Variants in TMEM59L observed in about 807,000 individuals in gnomAD.
TMEM59L encodes transmembrane protein 59 like.
TMEM59L carries 31 observed loss-of-function variants against 39.6 expected under a neutral mutation model. The observed-to-expected ratio is 0.78, with a 90% CI of 0.59 to 1.06. The LOEUF is 1.06. TMEM59L is among the 50% of genes least tolerant of loss of function. TMEM59L has a pLI of 0.00. For synonymous variants in TMEM59L, 219 were observed against 202.9 expected (o/e 1.08, Z -0.68); for missense variants, 441 against 451.3 (o/e 0.98, Z 0.21).
intron 7 of TMEM59L, among the ~76,000 whole-genome samples, chr19:18,619,175 A>G (rs1976466923): frequency 6.6e-6 from 1 of 151,940 alleles, no homozygotes; most frequent in Non-Finnish European, 1.5e-5. Flanking sequence ...TATTTTTTGT[A>G]GAGATGGGGA....
chr19:18,618,688 TAA>T (rs1197042950), intron 7 of TMEM59L, among the ~76,000 whole-genome samples, 196 bp downstream of exon 7: 1 of 131,602 alleles, frequency 7.6e-6, no homozygotes, highest in Non-Finnish European at 1.6e-5. Flanking sequence ...TATATATATA[TAA>T]TATATATATA....
In TMEM59L at chr19:18,617,033, G is replaced by C; in HGVS notation, c.595G>C (p.Gly199Arg). ...CATAGTGGAGAGCCTCGGCTTCCAG[G>C]GGGGCCGTCTGCAGCGCGTGGAGGT... ...QPIVESLGFQGGRLQRVEVTW... is the reference protein window; with the variant it reads ...QPIVESLGFQRGRLQRVEVTW... The change falls in exon 5 of 8, where the codon GGG (glycine) becomes CGG (arginine). Residue 199 changes from glycine (G) to arginine (R), a missense_variant. Physicochemically the swap from Gly to Arg is moderately radical, Grantham distance 125 (BLOSUM62 -2). Transcript: ENST00000262817. 1 of 1,612,924 alleles carries C rather than the reference G, an allele frequency of 6.2e-7. No individual in the cohort carries two copies.
At position 18,620,388 on chromosome 19, in the gene TMEM59L, C is replaced by T. The variant is rs1392409753; in HGVS notation, c.901-20C>T. 6.3e-7 allele frequency: 1 copy of T among 1,597,920 alleles called. No individual in the cohort carries two copies. Among genetic ancestry groups the T allele is most frequent in the Non-Finnish European group, 8.5e-7 (1 of 1,169,698 alleles). On this transcript the variant is annotated intron_variant, in intron 7 of 7. Transcript: ENST00000262817. The stretch of plus-strand genomic sequence containing the variant: ...CCTCTCCCCGTCCCTCCACTTCCCT[C>T]CTCCCCTCTCTTCCTGCAGCCTCTG...
intron 1 of TMEM59L, among the ~76,000 whole-genome samples, chr19:18,613,419 C>T (rs1003059620): frequency 2.6e-5 from 4 of 151,952 alleles, no homozygotes; most frequent in African/African-American, 9.7e-5. Flanking sequence ...CCCCCAGCTC[C>T]CTCAGGCCTG....
At chr19:18,615,331 G>T (rs770218180) in intron 3 of TMEM59L, among the ~76,000 whole-genome samples, 1 of 152,184 alleles carries the variant, frequency 6.6e-6, no homozygotes, top group African/African-American at 2.4e-5. Context: ...TGAGGATGAT[G>T]ATATTTTTAG....
Position 18,613,074 on chromosome 19 carries a change from CG to C in TMEM59L, c.117del (p.Gln40ArgfsTer34). The C allele has an allele frequency of 7.3e-7, 1 of 1,367,578 alleles. No individual in the cohort carries two copies. Among genetic ancestry groups the C allele is most frequent in the Non-Finnish European group, 9.4e-7 (1 of 1,063,098 alleles). The allele number at this position is 1,367,578 out of a possible 1,614,324, so 84.7% of individuals were successfully genotyped here. ...CCCTTCGCCCCCCAGCTCGGGGACA[CG>C]CAGAACTGCCAGCTGCGGTGCCGCG... The part of the protein sequence containing the change: ...RDPFAPQLGD[T>X]QNCQLRCRDR... On this transcript the variant is annotated frameshift_variant, in exon 1 of 8. Transcript: ENST00000262817. LOFTEE classifies it high-confidence loss of function.
In TMEM59L at chr19:18,620,517, T is replaced by G. The variant is rs1454134137; in HGVS notation, c.1010T>G (p.Leu337Arg). The G allele has an allele frequency of 1.9e-6, 3 of 1,613,630 alleles. No individual in the cohort carries two copies. The African/African-American group carries it at 4.0e-5, about 22-fold the overall frequency. Residue 337 changes from leucine (L) to arginine (R), a missense_variant, in exon 8 of 8, where the codon CTG (leucine) becomes CGG (arginine). By Grantham distance (102) the Leu-to-Arg change is moderately radical. Transcript: ENST00000262817. ...AGCCTACCACCCTACAAGCTGAAGCTGGACCTGACCAAGCTGTAGGCCTCC... is the reference window on the plus strand; with the variant it reads ...AGCCTACCACCCTACAAGCTGAAGCGGGACCTGACCAAGCTGTAGGCCTCC... ...EDSLPPYKLK[L>R]DLTKL
In TMEM59L at chr19:18,616,997, C is replaced by T; in HGVS notation, c.562-3C>T. ...TCTCTGTGCTGTCTTGTTCCTGGCC[C>T]AGACTCAGCCCATAGTGGAGAGCCT... On this transcript the variant is annotated splice_region_variant and splice_polypyrimidine_tract_variant and intron_variant, in intron 4 of 7. Coordinates refer to ENST00000262817, the MANE Select transcript of TMEM59L (RefSeq NM_012109.3). 1 of 1,604,658 alleles carries T rather than the reference C, an allele frequency of 6.2e-7. No individual in the cohort carries two copies. The highest frequency in any genetic ancestry group is 8.5e-7 in the Non-Finnish European group (1 of 1,174,858).
chr19:18,616,210 T>C lies in TMEM59L; in HGVS notation c.561+83T>C, dbSNP rs1007602912. ...ATGGGATGCATTGGCTCTTAGCTCATGAGATGCAAAGTCCACAGTGGGCGA... is the reference window on the plus strand; with the variant it reads ...ATGGGATGCATTGGCTCTTAGCTCACGAGATGCAAAGTCCACAGTGGGCGA... On this transcript the variant is annotated intron_variant, in intron 4 of 7. Transcript: ENST00000262817. 10 of 1,549,594 alleles carry C rather than the reference T, an allele frequency of 6.5e-6. No individual in the cohort carries two copies. In the African/African-American group the frequency reaches 8.1e-5, roughly 13 times the overall value.
At position 18,618,289 on chromosome 19, in the gene TMEM59L, T is replaced by G. The variant is rs774885941; in HGVS notation, c.782+17T>G. 108 of 186,532 alleles carry G rather than the reference T, an allele frequency of 5.8e-4. No homozygotes were observed. Among genetic ancestry groups the G allele is most frequent in the Non-Finnish European group, 8.7e-4 (94 of 108,100 alleles). 11.6% of individuals were successfully genotyped at this position (186,532 alleles called of 1,614,324 possible). A position where few individuals can be genotyped will look rare whatever the true frequency, so the allele number is the denominator to read the frequency against. On this transcript the variant is annotated intron_variant, in intron 6 of 7. Coordinates refer to ENST00000262817, the MANE Select transcript of TMEM59L (RefSeq NM_012109.3). Reference sequence around the variant, plus strand: ...CATGTCCCGGTGGGTGGCAGGACCTTGGGGGTGGGAGGGGGGTGGGACTGG... The same window carrying G: ...CATGTCCCGGTGGGTGGCAGGACCTGGGGGGTGGGAGGGGGGTGGGACTGG...
rs892961368 is a variant in TMEM59L, at chr19:18,613,061, C to A, written c.103C>A (p.Gln35Lys). 1.2e-5 allele frequency: 17 copies of A among 1,383,244 alleles called. No individual in the cohort carries two copies. The highest frequency in any genetic ancestry group is 1.5e-5 in the Non-Finnish European group (16 of 1,070,816). The allele number at this position is 1,383,244 out of a possible 1,614,324, so 85.7% of individuals were successfully genotyped here. Residue 35 changes from glutamine (Q) to lysine (K), a missense_variant, in exon 1 of 8, where the codon CAG becomes AAG. Coordinates refer to ENST00000262817, the MANE Select transcript of TMEM59L (RefSeq NM_012109.3). ...APSARDPFAP[Q>K]LGDTQNCQLR... Reference sequence around the variant, plus strand: ...GTCCGCCCGCGATCCCTTCGCCCCCCAGCTCGGGGACACGCAGAACTGCCA... The same window carrying A: ...GTCCGCCCGCGATCCCTTCGCCCCCAAGCTCGGGGACACGCAGAACTGCCA...
At chr19:18,619,423 A>G (rs555747276) in intron 7 of TMEM59L, among the ~76,000 whole-genome samples, 50 of 152,350 alleles carry the variant, frequency 3.3e-4, no homozygotes, top group African/African-American at 1.1e-3. Context: ...CCTCACCTCT[A>G]TCATGCCCAG....
chr19:18,616,228 GT>G (rs1976426212), intron 4 of TMEM59L, 101 bp downstream of exon 4: 2 of 1,435,506 alleles, frequency 1.4e-6, no homozygotes, highest in Admixed American at 1.8e-5. Flanking sequence ...AAAGTCCACA[GT>G]GGGCGAGCTT....
intron 5 of TMEM59L, chr19:18,617,829 C>T: frequency 2.4e-6 from 1 of 422,674 alleles, no homozygotes; most frequent in Non-Finnish European, 4.4e-6. Flanking sequence ...CTCCTAGGAT[C>T]CATCTCCCAG....
At chr19:18,617,387 AGGGTTCCGTGGCCCACCTCCC>A (rs1217687741) in intron 5 of TMEM59L, 5 of 533,072 alleles carry the variant, frequency 9.4e-6, no homozygotes, top group Admixed American at 2.2e-5. Context: ...TCCACCTCTC[AGGGTTCCGTGGCCCACCTCCC>A]GGGTTCCGTG....
In TMEM59L at chr19:18,617,222, G is replaced by C. The variant is rs752820538; in HGVS notation, c.664+120G>C. On this transcript the variant is annotated intron_variant, in intron 5 of 7. Transcript: ENST00000262817. ...CATCTCTCAAGTCCTGGGTTCCATG[G>C]CTCATCCCCCAGGTCTCCATGGTCT... 5 of 769,034 alleles carry C rather than the reference G, an allele frequency of 6.5e-6. No individual in the cohort carries two copies. In the African/African-American group the frequency reaches 8.5e-5, roughly 13 times the overall value. The allele number at this position is 769,034 out of a possible 1,614,324, so 47.6% of individuals were successfully genotyped here. A position where few individuals can be genotyped will look rare whatever the true frequency, so the allele number is the denominator to read the frequency against.
intron 4 of TMEM59L, among the ~76,000 whole-genome samples, chr19:18,616,548 A>G (rs1462841096): frequency 2.0e-5 from 3 of 151,990 alleles, no homozygotes; most frequent in Non-Finnish European, 1.5e-5. Context: ...GGCCACCACC[A>G]CACCCACCTA....
At chr19:18,618,673 G>A (rs568970536) in intron 7 of TMEM59L, among the ~76,000 whole-genome samples, 181 bp downstream of exon 7, 29,100 of 68,188 alleles carry the variant, frequency 0.43, 5,767 homozygotes, top group African/African-American at 0.67. Context: ...GTGTGTGTGT[G>A]TATATATATA....
chr19:18,617,020 C>A lies in TMEM59L; in HGVS notation c.582C>A (p.Ser194Arg). The A allele has an allele frequency of 6.2e-7, 1 of 1,611,834 alleles. No individual in the cohort carries two copies. The highest frequency in any genetic ancestry group is 8.5e-7 in the Non-Finnish European group (1 of 1,179,078). ...VVFQTQPIVE[S>R]LGFQGGRLQR... Reference sequence around the variant, plus strand: ...CCCAGACTCAGCCCATAGTGGAGAGCCTCGGCTTCCAGGGGGGCCGTCTGC... The same window carrying A: ...CCCAGACTCAGCCCATAGTGGAGAGACTCGGCTTCCAGGGGGGCCGTCTGC... Residue 194 changes from serine (S) to arginine (R), a missense_variant, in exon 5 of 8, where the codon AGC (serine) becomes AGA (arginine). Transcript: ENST00000262817.
Sources: allele counts gnomAD v4.1 joint callset (sites outside exome capture counted in the v4.1 genomes callset), GRCh38; gene constraint gnomAD v4.1.1; transcripts MANE v1.5; gene names NCBI Gene and HGNC (gene_info 2026-07-23, HGNC 2026-07-21).